The following VPS13B variants were observed in gnomAD, a reference collection of about 807,000 sequenced individuals.
VPS13B encodes intermembrane lipid transfer protein VPS13B.
Under a neutral mutation model 426.4 loss-of-function variants are expected in VPS13B, and 285 were observed. That is an observed-to-expected ratio of 0.67 (90% CI 0.61 to 0.74). The LOEUF is 0.74. Ranked by LOEUF, VPS13B falls within the 30% of genes least tolerant of loss-of-function variation. The probability of loss-of-function intolerance (pLI) is 0.00; values close to 1 mark genes in which losing one functional copy is unlikely to be tolerated. For missense variants in VPS13B, 4,537 were observed against 4,782.6 expected (o/e 0.95, Z 1.51); for synonymous variants, 1,676 against 1,676.4 (o/e 1.00, Z 0.01).
Position 99,442,638 on chromosome 8 carries a change from A to G in VPS13B, c.3445+3A>G, listed in dbSNP as rs775461539. On this transcript the variant is annotated splice_donor_region_variant and intron_variant, in intron 23 of 61. Transcript: ENST00000357162. ...CCCACGACCCATCCTTGAAGAAGGT[A>G]TATGTTAACATTTTTTTCCTATGGT... 3.1e-6 allele frequency: 5 copies of G among 1,612,852 alleles called. No homozygotes were observed. The South Asian group carries it at 3.3e-5, about 11-fold the overall frequency.
chr8:99,257,661 A>G (rs945645396), intron 17 of VPS13B, among the ~76,000 whole-genome samples: 1 of 152,162 alleles, frequency 6.6e-6, no homozygotes, highest in Non-Finnish European at 1.5e-5. Context: ...TTCTTTAGCC[A>G]TGCTTCAAAT....
At chr8:99,863,814 G>T (rs1397460900) in intron 58 of VPS13B, among the ~76,000 whole-genome samples, 1 of 152,178 alleles carries the variant, frequency 6.6e-6, no homozygotes, top group African/African-American at 2.4e-5. Context: ...GGCTCATGGG[G>T]TCTTTCTGCA....
At chr8:99,763,105 T>C (rs1811017461) in intron 39 of VPS13B, among the ~76,000 whole-genome samples, 1 of 122,932 alleles carries the variant, frequency 8.1e-6, no homozygotes, top group Non-Finnish European at 1.6e-5. Context: ...CACTTCACCC[T>C]AGCTTGGGCA....
chr8:99,202,950 C>G (rs566260437), intron 17 of VPS13B, among the ~76,000 whole-genome samples: 1 of 151,592 alleles, frequency 6.6e-6, no homozygotes, highest in Non-Finnish European at 1.5e-5. Flanking sequence ...AGGAGAATGG[C>G]GCGAACCCAG....
intron 2 of VPS13B, among the ~76,000 whole-genome samples, chr8:99,033,179 C>T (rs1842598591): frequency 6.6e-6 from 1 of 152,120 alleles, no homozygotes; most frequent in African/African-American, 2.4e-5. Context: ...GTTGCTACTT[C>T]CTTTCAGCCT....
chr8:99,610,593 G>T (rs576619105), intron 33 of VPS13B, among the ~76,000 whole-genome samples: 2 of 152,074 alleles, frequency 1.3e-5, no homozygotes, highest in East Asian at 1.9e-4. Flanking sequence ...GTCAGGGGGT[G>T]GGGGGCTAGG....
chr8:99,165,625 T>C (rs1175353573), intron 15 of VPS13B, among the ~76,000 whole-genome samples: 1 of 152,202 alleles, frequency 6.6e-6, no homozygotes, highest in Non-Finnish European at 1.5e-5. Context: ...ATTTTTTACC[T>C]CAAGAAAATC....
At chr8:99,213,002 T>C (rs1368707317) in intron 17 of VPS13B, among the ~76,000 whole-genome samples, 2 of 152,192 alleles carry the variant, frequency 1.3e-5, no homozygotes, top group Non-Finnish European at 2.9e-5. Context: ...CTTCTCTCCC[T>C]CATTTAAGCA....
At chr8:99,049,544 G>A (rs1280054020) in intron 3 of VPS13B, among the ~76,000 whole-genome samples, 1 of 149,248 alleles carries the variant, frequency 6.7e-6, no homozygotes, top group African/African-American at 2.5e-5. Flanking sequence ...TAATTCAATA[G>A]GTTTTTTTTT....
chr8:99,642,247 A>T lies in VPS13B; in HGVS notation c.5657A>T (p.Lys1886Ile). Residue 1886 changes from lysine to isoleucine, a missense_variant, in exon 34 of 62, where the codon AAA (lysine) becomes ATA (isoleucine). Transcript: ENST00000357162. ...AGCAGCATTTCTTTTCCTTCAGGGA[A>T]AAAAATAGGGGTCCTCTCTCTTGAA... Reference protein sequence around the residue: ...LRSSISFPSGKKIGVLSLESL... With the variant: ...LRSSISFPSGIKIGVLSLESL... The T allele has an allele frequency of 6.2e-7, 1 of 1,614,136 alleles. No individual in the cohort carries two copies. The highest frequency in any genetic ancestry group is 8.5e-7 in the Non-Finnish European group (1 of 1,179,996).
intron 19 of VPS13B, among the ~76,000 whole-genome samples, chr8:99,325,629 T>C (rs937285010): frequency 3.9e-5 from 6 of 152,242 alleles, no homozygotes; most frequent in African/African-American, 1.4e-4. Flanking sequence ...TCAGCTTAAA[T>C]CTGGCATCTC....
intron 27 of VPS13B, among the ~76,000 whole-genome samples, chr8:99,506,116 TAATCATTGGTATAGAGATATACAATAC>T (rs1428975584): frequency 6.6e-6 from 1 of 152,210 alleles, no homozygotes; most frequent in African/African-American, 2.4e-5. Flanking sequence ...TATACCAATA[TAATCATTGGTATAGAGATATACAATAC>T]AATCATTGGT....
chr8:99,754,497 C>T (rs1057432152), intron 39 of VPS13B, among the ~76,000 whole-genome samples: 10 of 152,078 alleles, frequency 6.6e-5, no homozygotes, highest in African/African-American at 1.9e-4. Context: ...AAGACAAAGC[C>T]GGTTTCTTAG....
chr8:99,037,659 C>T (rs1842807770), intron 2 of VPS13B, among the ~76,000 whole-genome samples: 1 of 151,964 alleles, frequency 6.6e-6, no homozygotes, highest in African/African-American at 2.4e-5. Context: ...TTTCTTCCTC[C>T]TTTGTTGATT....
intron 58 of VPS13B, among the ~76,000 whole-genome samples, chr8:99,867,418 C>T (rs1283548196): frequency 6.6e-6 from 1 of 152,182 alleles, no homozygotes; most frequent in African/African-American, 2.4e-5. Context: ...GCTGTGGGAG[C>T]AGAGCTCCAA....
chr8:99,435,883 T>C (rs1158455371), intron 22 of VPS13B, among the ~76,000 whole-genome samples: 1 of 152,186 alleles, frequency 6.6e-6, no homozygotes, highest in Non-Finnish European at 1.5e-5. Context: ...CATCCAGGTA[T>C]GTATTAGATA....
At chr8:99,526,854 G>A (rs1190817975) in intron 30 of VPS13B, among the ~76,000 whole-genome samples, 1 of 152,106 alleles carries the variant, frequency 6.6e-6, no homozygotes. Context: ...TTGATAAAAT[G>A]TGGATTTTGA....
chr8:99,803,156 T>C (rs1307087332), intron 43 of VPS13B, among the ~76,000 whole-genome samples: 1 of 152,216 alleles, frequency 6.6e-6, no homozygotes, highest in Non-Finnish European at 1.5e-5. Context: ...TTTCATAGAA[T>C]TGATGCATCA....
intron 21 of VPS13B, among the ~76,000 whole-genome samples, chr8:99,418,903 A>G (rs1435978412): frequency 6.6e-6 from 1 of 152,198 alleles, no homozygotes; most frequent in Non-Finnish European, 1.5e-5. Flanking sequence ...AGTTAGTCTT[A>G]AGCTTTCTGC....
Sources: allele counts gnomAD v4.1 joint callset (sites outside exome capture counted in the v4.1 genomes callset), GRCh38; gene constraint gnomAD v4.1.1; transcripts MANE v1.5; gene names NCBI Gene and HGNC (gene_info 2026-07-23, HGNC 2026-07-21).